Variants in KCP observed in about 807,000 individuals in gnomAD.
The protein encoded by KCP is kielin cysteine rich BMP regulator.
KCP carries 194 observed loss-of-function variants against 212.7 expected under a neutral mutation model. The ratio of observed to expected loss-of-function variants is 0.91; its 90% CI spans 0.81 to 1.03. The LOEUF (loss-of-function observed/expected upper bound fraction) is 1.03, where lower values mean the gene tolerates loss of function less well. Ranked by LOEUF, KCP falls within the 50% of genes least tolerant of loss-of-function variation. The probability of loss-of-function intolerance (pLI) is 0.00; values close to 1 mark genes in which losing one functional copy is unlikely to be tolerated. For synonymous variants in KCP, 833 were observed against 865.3 expected, an observed-to-expected ratio of 0.96 and a Z score of 0.65; for missense variants, 2,080 against 2,162.5, an observed-to-expected ratio of 0.96 and a Z score of 0.76.
intron 8 of KCP, 150 bp from the exon 9 acceptor site, chr7:128,894,443 C>T: frequency 3.4e-6 from 2 of 594,132 alleles, no homozygotes; most frequent in Non-Finnish European, 5.8e-6. Flanking sequence ...AACTCCTCAC[C>T]CCCAGCACCT....
chr7:128,883,880 T>C (rs915633285), intron 29 of KCP, 122 bp downstream of exon 29: 6 of 1,245,626 alleles, frequency 4.8e-6, no homozygotes, highest in Non-Finnish European at 6.4e-6. Flanking sequence ...CGGCCAGGCA[T>C]AGGGTTCCAG....
intron 34 of KCP, 44 bp downstream of exon 34, chr7:128,880,342 C>T (rs1221231460): frequency 1.3e-6 from 2 of 1,482,298 alleles, no homozygotes; most frequent in African/African-American, 2.8e-5. Flanking sequence ...GTACCATGTG[C>T]CCCCACCCTG....
At chr7:128,910,246 C>G (rs1299866069) in intron 1 of KCP, among the ~76,000 whole-genome samples, 1 of 152,222 alleles carries the variant, frequency 6.6e-6, no homozygotes. Flanking sequence ...CTGTCCTGCT[C>G]CGGGGAGGGC....
chr7:128,887,137 G>A (rs1390075043), intron 23 of KCP, 78 bp downstream of exon 23: 1 of 1,307,884 alleles, frequency 7.6e-7, no homozygotes, highest in Non-Finnish European at 1.1e-6. Context: ...CACCTGAGTG[G>A]AGGAGACAGC....
Position 128,881,651 on chromosome 7 carries a change from AGGGG to A in KCP, c.3395_3398del (p.Pro1132LeufsTer127). 6.6e-7 allele frequency: 1 copy of A among 1,511,162 alleles called. No homozygotes were observed. Among genetic ancestry groups the A allele is most frequent in the Non-Finnish European group, 8.8e-7 (1 of 1,135,956 alleles). 93.6% of individuals were successfully genotyped at this position (1,511,162 alleles called of 1,614,324 possible). ...CCCGGCATACGGGGCAGCAGCTCCC[AGGGG>A]GAGTGTGGCGCTCTGAGAGGGGACA... On this transcript the variant is annotated frameshift_variant, in exon 31 of 40. Transcript: ENST00000610776. LOFTEE classifies it high-confidence loss of function.
intron 37 of KCP, chr7:128,879,302 T>C (rs1024182452): frequency 5.8e-5 from 33 of 566,186 alleles, no homozygotes; most frequent in African/African-American, 5.8e-4. Flanking sequence ...CTTAAGAGGC[T>C]GAGCCGAGAT....
chr7:128,902,582 C>T (rs1371802562), intron 8 of KCP, among the ~76,000 whole-genome samples, 195 bp downstream of exon 8: 4 of 152,248 alleles, frequency 2.6e-5, no homozygotes, highest in Non-Finnish European at 2.9e-5. Context: ...CTGAGCACCT[C>T]TTGGGCTCAG....
chr7:128,904,442 C>G, intron 5 of KCP: 1 of 1,222,376 alleles, frequency 8.2e-7, no homozygotes. Flanking sequence ...TTCTCTCTCT[C>G]CTGCTCTCCC....
chr7:128,884,752 C>G (rs1793539966), intron 28 of KCP, 29 bp downstream of exon 28: 2 of 1,548,762 alleles, frequency 1.3e-6, no homozygotes, highest in East Asian at 2.4e-5. Context: ...GACGAGGTGC[C>G]CCAGCCCCAC....
chr7:128,878,180 C>G (rs1214003593), intron 38 of KCP, among the ~76,000 whole-genome samples: 3 of 151,966 alleles, frequency 2.0e-5, no homozygotes, highest in Non-Finnish European at 4.4e-5. Context: ...CCTCAGCCAC[C>G]CGAGTAGCTG....
chr7:128,890,505 A>T lies in KCP; in HGVS notation c.2173T>A (p.Tyr725Asn). ...CCGCTGGCAAACTCCTTCCCCTGGTACAGGCAGCCTGGGGAGAAGGGCAGG... is the reference window on the plus strand; with the variant it reads ...CCGCTGGCAAACTCCTTCCCCTGGTTCAGGCAGCCTGGGGAGAAGGGCAGG... ...PCCPSCDGCL[Y>N]QGKEFASGER... Residue 725 changes from tyrosine (Y) to asparagine (N), a missense_variant, in exon 21 of 40, where the codon TAC becomes AAC. Tyr to Asn is a moderately radical substitution (Grantham distance 143). Transcript: ENST00000610776. The T allele has an allele frequency of 6.5e-7, 1 of 1,546,966 alleles. No individual in the cohort carries two copies.
Position 128,907,326 on chromosome 7 carries a change from G to T in KCP, c.347C>A (p.Ala116Asp), listed in dbSNP as rs1795175674. The T allele has an allele frequency of 1.3e-6, 2 of 1,542,224 alleles. No individual in the cohort carries two copies. The highest frequency in any genetic ancestry group is 1.4e-5 in the African/African-American group (1 of 72,886). ...GARWEPDACT[A>D]CVCQDGAAHC... ...AGCGGCCCCATCCTGGCAGACGCAG[G>T]CTGTGCAGGCGTCAGGCTCCCAGCG... is the stretch of plus-strand genomic sequence containing the variant. The change falls in exon 3 of 40, where the codon GCC (alanine) becomes GAC (aspartate). Residue 116 changes from alanine to aspartate, a missense_variant. Ala to Asp is a moderately radical substitution (Grantham distance 126, BLOSUM62 -2). Transcript: ENST00000610776.
At chr7:128,895,038 G>A (rs1411314568) in intron 8 of KCP, among the ~76,000 whole-genome samples, 1 of 152,202 alleles carries the variant, frequency 6.6e-6, no homozygotes, top group Admixed American at 6.5e-5. Context: ...CACCAGAAGC[G>A]AGGGCAGAGG....
intron 28 of KCP, 57 bp downstream of exon 28, chr7:128,884,724 T>G: frequency 1.3e-6 from 2 of 1,485,922 alleles, no homozygotes; most frequent in Non-Finnish European, 1.8e-6. Flanking sequence ...CCTCATCCCA[T>G]GCTGCCCACT....
chr7:128,878,001 T>A, intron 38 of KCP, among the ~76,000 whole-genome samples: 1 of 151,814 alleles, frequency 6.6e-6, no homozygotes, highest in Non-Finnish European at 1.5e-5. Flanking sequence ...TTGTCCAAGG[T>A]CACACAGCCA....
At chr7:128,888,736 G>A (rs1321162244) in intron 22 of KCP, 127 bp downstream of exon 22, 2 of 900,720 alleles carry the variant, frequency 2.2e-6, no homozygotes, top group Admixed American at 5.1e-5. Flanking sequence ...AGGTGAGGGA[G>A]TCGGAGAGTG....
At chr7:128,877,842 T>A (rs887149679) in intron 38 of KCP, 52 bp from the exon 39 acceptor site, 1 of 1,466,410 alleles carries the variant, frequency 6.8e-7, no homozygotes, top group African/African-American at 1.4e-5. Flanking sequence ...AGCTGGCCTC[T>A]GCATGCCGTG....
Position 128,891,506 on chromosome 7 carries a change from G to A in KCP, c.1823C>T (p.Pro608Leu). Residue 608 changes from proline to leucine, a missense_variant, in exon 18 of 40, where the codon CCC (proline) becomes CTC (leucine). Pro to Leu is a moderately conservative substitution (Grantham distance 98). Coordinates refer to ENST00000610776, the MANE Select transcript of KCP (RefSeq NM_001366122.1). ...SGCAFGGKEY[P>L]SGADFPHPSD... ...GGGGTGGGGGAAGTCCGCTCCGCTG[G>A]GGTACTCTTTCCCGCCAAAGGCACA... The A allele has an allele frequency of 2.6e-6, 4 of 1,549,074 alleles. No homozygotes were observed. The highest frequency in any genetic ancestry group is 3.5e-6 in the Non-Finnish European group (4 of 1,145,868).
At position 128,891,449 on chromosome 7, in the gene KCP, A is replaced by ACCAGACAG; in HGVS notation, c.1872_1878+1dup. The ACCAGACAG allele has an allele frequency of 1.3e-6, 2 of 1,550,246 alleles. No homozygotes were observed. The highest frequency in any genetic ancestry group is 2.4e-5 in the South Asian group (2 of 84,048). On this transcript the variant is annotated splice_donor_variant, in intron 18 of 39. Coordinates refer to ENST00000610776, the MANE Select transcript of KCP (RefSeq NM_001366122.1). LOFTEE classifies it high-confidence loss of function. ...GCGCCTCCCACCCAGGTGCAGACTC[A>ACCAGACAG]CCAGACAGCGACACAGACGGCAGGG...
Sources: allele counts gnomAD v4.1 joint callset (sites outside exome capture counted in the v4.1 genomes callset), GRCh38; gene constraint gnomAD v4.1.1; transcripts MANE v1.5; gene names NCBI Gene and HGNC (gene_info 2026-07-23, HGNC 2026-07-21).